Variants in BRAF observed in about 807,000 individuals in gnomAD.
BRAF encodes B-Raf proto-oncogene, serine/threonine kinase, also known as serine/threonine-protein kinase B-raf.
A neutral mutation model predicts 104.6 loss-of-function variants in BRAF; 16 were observed. The ratio of observed to expected loss-of-function variants is 0.15; its 90% CI spans 0.10 to 0.23. The LOEUF (loss-of-function observed/expected upper bound fraction) is 0.23. BRAF is among the 10% of genes least tolerant of loss of function. The pLI is 1.00. For synonymous variants in BRAF, 310 were observed against 341.6 expected, an observed-to-expected ratio of 0.91 and a Z score of 1.02; for missense variants, 541 against 937.3, an observed-to-expected ratio of 0.58 and a Z score of 5.52.
At chr7:140,834,496 GC>G (rs749120409) in intron 3 of BRAF, 112 bp downstream of exon 3, 1 of 1,379,576 alleles carries the variant, frequency 7.2e-7, no homozygotes, top group Non-Finnish European at 1.0e-6. Flanking sequence ...TGACATGGAT[GC>G]CTCTATTTGC....
At chr7:140,874,653 C>T (rs1426170223) in intron 1 of BRAF, among the ~76,000 whole-genome samples, 24 of 151,770 alleles carry the variant, frequency 1.6e-4, no homozygotes, top group Admixed American at 1.6e-3. Context: ...TTCAAAAGAG[C>T]CAACATTCTG....
chr7:140,876,796 T>C (rs911561211), intron 1 of BRAF, among the ~76,000 whole-genome samples: 6 of 149,508 alleles, frequency 4.0e-5, no homozygotes, highest in Admixed American at 3.9e-4. Flanking sequence ...ATCCACCTGA[T>C]CTGATTGATA....
chr7:140,764,009 G>C (rs2129008692), intron 14 of BRAF, among the ~76,000 whole-genome samples: 1 of 152,270 alleles, frequency 6.6e-6, no homozygotes, highest in Admixed American at 6.5e-5. Context: ...GAGAATTTTA[G>C]ACCGATATCC....
intron 1 of BRAF, among the ~76,000 whole-genome samples, chr7:140,858,213 T>C (rs1261641987): frequency 6.6e-6 from 1 of 152,176 alleles, no homozygotes; most frequent in Non-Finnish European, 1.5e-5. Flanking sequence ...GAATCATTAA[T>C]AGTGGAACAA....
intron 1 of BRAF, among the ~76,000 whole-genome samples, chr7:140,898,727 A>C (rs1815247059): frequency 6.6e-6 from 1 of 152,174 alleles, no homozygotes; most frequent in Non-Finnish European, 1.5e-5. Context: ...GGTAGTCACT[A>C]TCACTCACTT....
chr7:140,844,009 A>G (rs993994212), intron 2 of BRAF, among the ~76,000 whole-genome samples: 2 of 152,076 alleles, frequency 1.3e-5, no homozygotes, highest in African/African-American at 4.8e-5. Flanking sequence ...ACTCCATCTC[A>G]AAAAAAGAAA....
At chr7:140,765,419 C>T (rs2129010031) in intron 14 of BRAF, among the ~76,000 whole-genome samples, 1 of 152,250 alleles carries the variant, frequency 6.6e-6, no homozygotes, top group South Asian at 2.1e-4. Context: ...ACACCAAAAG[C>T]AATGGCAACA....
At position 140,741,956 on chromosome 7, in the gene BRAF, CA is replaced by C. The variant is rs541718913; in HGVS notation, c.2113-2011del. On this transcript the variant is annotated intron_variant, in intron 17 of 19. Transcript: ENST00000644969. Reference sequence around the variant, plus strand: ...ACTGGCCAACAGAGCGAGACTGTCTCAAAAAAAAAAAAATTCTTAAAAAATA... The same window carrying C: ...ACTGGCCAACAGAGCGAGACTGTCTCAAAAAAAAAAAATTCTTAAAAAATA... 1.8e-3 allele frequency among the ~76,000 whole-genome samples: 255 copies of C among 140,556 alleles called. 1 individual carries two copies. Among genetic ancestry groups the C allele is most frequent in the South Asian group, 0.017 (76 of 4,446 alleles). The allele number at this position is 140,556 out of a possible 152,430, so 92.2% of individuals were successfully genotyped here.
chr7:140,818,236 A>G (rs1805087711), intron 3 of BRAF, among the ~76,000 whole-genome samples: 1 of 152,104 alleles, frequency 6.6e-6, no homozygotes, highest in African/African-American at 2.4e-5. Context: ...ATAACAAAAA[A>G]TTAGTATTTG....
At chr7:140,828,306 T>C (rs1806301840) in intron 3 of BRAF, among the ~76,000 whole-genome samples, 1 of 152,314 alleles carries the variant, frequency 6.6e-6, no homozygotes, top group African/African-American at 2.4e-5. Context: ...CATACAAAAA[T>C]AGATGGTGGG....
chr7:140,882,371 CTTTTTTTTTTTT>C, intron 1 of BRAF, among the ~76,000 whole-genome samples: 1 of 126,634 alleles, frequency 7.9e-6, no homozygotes, highest in Middle Eastern at 4.0e-3. Context: ...ATCAAAGTAT[CTTTTTTTTTTTT>C]TTTTTTTTGT....
At chr7:140,754,694 C>T (rs758384240) in intron 14 of BRAF, among the ~76,000 whole-genome samples, 6 of 152,136 alleles carry the variant, frequency 3.9e-5, no homozygotes, top group Non-Finnish European at 8.8e-5. Flanking sequence ...CCATGACTAA[C>T]CGAACTGAAA....
chr7:140,789,747 T>G (rs1801759665), intron 8 of BRAF, among the ~76,000 whole-genome samples: 2 of 152,240 alleles, frequency 1.3e-5, no homozygotes, highest in South Asian at 4.1e-4. Flanking sequence ...GATAAGATTT[T>G]GAGATGAAGT....
intron 5 of BRAF, among the ~76,000 whole-genome samples, chr7:140,806,589 T>C (rs1259413927): frequency 2.6e-5 from 4 of 152,138 alleles, no homozygotes; most frequent in South Asian, 4.1e-4. Flanking sequence ...CTTTCTTTTA[T>C]CTCCTCATAT....
intron 12 of BRAF, chr7:140,781,013 A>G (rs1337021126): frequency 6.5e-6 from 1 of 154,686 alleles, no homozygotes; most frequent in African/African-American, 2.4e-5. Flanking sequence ...GCTCACTGCA[A>G]CCTCCGCCTC....
intron 1 of BRAF, among the ~76,000 whole-genome samples, chr7:140,915,441 T>C (rs2129143586): frequency 6.6e-6 from 1 of 151,998 alleles, no homozygotes; most frequent in Non-Finnish European, 1.5e-5. Flanking sequence ...TCTTTTTTTT[T>C]TTTTTTGACA....
intron 1 of BRAF, among the ~76,000 whole-genome samples, chr7:140,874,119 T>C (rs1463802404): frequency 6.6e-6 from 1 of 151,412 alleles, no homozygotes; most frequent in Non-Finnish European, 1.5e-5. Flanking sequence ...TCGACAACAC[T>C]GGAAGTAAAT....
At chr7:140,826,785 C>T (rs2129057384) in intron 3 of BRAF, among the ~76,000 whole-genome samples, 1 of 152,276 alleles carries the variant, frequency 6.6e-6, no homozygotes, top group East Asian at 1.9e-4. Flanking sequence ...AGGACATTCT[C>T]CTATATAATT....
chr7:140,824,102 ACT>A (rs1241953974), intron 3 of BRAF: 3 of 151,950 alleles, frequency 2.0e-5, no homozygotes, highest in African/African-American at 7.3e-5. Context: ...TTGGCTTTTC[ACT>A]CTGTTGATTA....
Sources: gnomAD v4.1 joint callset for allele counts (sites outside exome capture counted in the v4.1 genomes callset) on GRCh38, gnomAD v4.1.1 for gene constraint, MANE v1.5 for transcripts, NCBI Gene and HGNC (gene_info 2026-07-23, HGNC 2026-07-21) for gene names.